The following FBF1 variants were observed in gnomAD, a reference collection of about 807,000 sequenced individuals.
FBF1 encodes the protein fas-binding factor 1.
FBF1 carries 119 observed loss-of-function variants against 147.2 expected under a neutral mutation model. The ratio of observed to expected loss-of-function variants is 0.81; its 90% CI spans 0.70 to 0.94. FBF1 has a LOEUF of 0.94. Among genes scored for constraint, FBF1 ranks in the 40% least tolerant of loss-of-function variants. The probability of loss-of-function intolerance (pLI) is 0.00; values close to 1 mark genes in which losing one functional copy is unlikely to be tolerated. For synonymous variants in FBF1, 601 were observed against 609.0 expected, an observed-to-expected ratio of 0.99 and a Z score of 0.19; for missense variants, 1,449 against 1,500.8, an observed-to-expected ratio of 0.97 and a Z score of 0.57.
Position 75,926,037 on chromosome 17 carries a change from C to A in FBF1, c.861G>T (p.Arg287Ser). 5 of 1,610,238 alleles carry A rather than the reference C, an allele frequency of 3.1e-6. No homozygotes were observed. Among genetic ancestry groups the A allele is most frequent in the Non-Finnish European group, 4.2e-6 (5 of 1,178,906 alleles). ...REFKLDKKYQ[R>S]PQDSEDMWGD... Reference sequence around the variant, plus strand: ...CCCCGCAAGCCTCCTTACCCTGTGGCCTCTGGTACTTCTTGTCTAGCTTGA... The same window carrying A: ...CCCCGCAAGCCTCCTTACCCTGTGGACTCTGGTACTTCTTGTCTAGCTTGA... The change falls in exon 12 of 30, where the codon AGG becomes AGT. Residue 287 changes from arginine to serine, a missense_variant. Transcript: ENST00000636174.
At chr17:75,926,959 A>G in intron 9 of FBF1, 82 bp from the exon 10 acceptor site, 1 of 1,534,818 alleles carries the variant, frequency 6.5e-7, no homozygotes, top group Non-Finnish European at 8.8e-7. Flanking sequence ...GCAGCGCTCG[A>G]GTCAAGGCTT....
At chr17:75,935,548 T>C (rs766228821) in intron 4 of FBF1, 84 bp downstream of exon 4, 163 of 1,397,990 alleles carry the variant, frequency 1.2e-4, no homozygotes, top group Non-Finnish European at 1.4e-4. Flanking sequence ...GTCCAGAAGC[T>C]TGGGACCAGC....
At position 75,925,852 on chromosome 17, in the gene FBF1, G is replaced by C. The variant is rs1171990701; in HGVS notation, c.868+178C>G. Among the ~76,000 whole-genome samples the C allele has an allele frequency of 6.6e-6, 1 of 152,208 alleles. No individual in the cohort carries two copies. Among genetic ancestry groups the C allele is most frequent in the South Asian group, 2.1e-4 (1 of 4,832 alleles). The stretch of plus-strand genomic sequence containing the variant: ...ATCTCAATCATAGACAACTGAGCAC[G>C]AACAGTGGTCACGGTAAGTATTATT... On this transcript the variant is annotated intron_variant, in intron 12 of 29. Transcript: ENST00000636174. The surrounding 1 kb of genome is among the most constrained non-coding windows in gnomAD (Gnocchi z 5.0).
intron 2 of FBF1, 60 bp downstream of exon 2, chr17:75,938,087 G>A: frequency 6.2e-7 from 1 of 1,606,064 alleles, no homozygotes; most frequent in Non-Finnish European, 8.5e-7. Context: ...CAAGATCTTT[G>A]GGGATGCAGG....
At chr17:75,916,203 C>T (rs2065488324) in intron 23 of FBF1, among the ~76,000 whole-genome samples, 1 of 151,622 alleles carries the variant, frequency 6.6e-6, no homozygotes, top group South Asian at 2.1e-4. Context: ...CACCTGTGAT[C>T]CCAGCTACTT....
chr17:75,914,481 T>G, intron 25 of FBF1, 183 bp from the exon 26 acceptor site: 1 of 976,780 alleles, frequency 1.0e-6, no homozygotes, highest in Admixed American at 3.1e-5. Context: ...GCCACGTGAC[T>G]GTGGCAGGCT....
Position 75,918,034 on chromosome 17 carries a change from G to C in FBF1, c.2283C>G (p.Phe761Leu), listed in dbSNP as rs367968756. ...AGGACAACTCGTGCAGGCTGCTGGA[G>C]AACTTCTCCATCTGGTGGATGATGC... The part of the protein sequence containing the change: ...LNSIIHQMEK[F>L]SSSLHELSSR... Residue 761 changes from phenylalanine (F) to leucine (L), a missense_variant, in exon 22 of 30, where the codon TTC becomes TTG. Physicochemically the swap from Phe to Leu is conservative, Grantham distance 22. Coordinates refer to ENST00000636174, the MANE Select transcript of FBF1 (RefSeq NM_001319193.2). This position sits in a 1 kb window ranked among gnomAD's most constrained non-coding sequence, Gnocchi z 5.8. The C allele has an allele frequency of 3.0e-5, 48 of 1,611,980 alleles. No individual in the cohort carries two copies. Among genetic ancestry groups the C allele is most frequent in the Non-Finnish European group, 4.0e-5 (47 of 1,178,784 alleles).
rs745949501 is a variant in FBF1, at chr17:75,910,839, C to A, written c.3364-33G>T. On this transcript the variant is annotated intron_variant, in intron 29 of 29. Coordinates refer to ENST00000636174, the MANE Select transcript of FBF1 (RefSeq NM_001319193.2). The surrounding 1 kb of genome is among the most constrained non-coding windows in gnomAD (Gnocchi z 4.1). ...GCAGGTTTGGATGGGCGGTCACCTTCCCTGAGCTGAGAGGGAGGTGGAGCC... is the reference window on the plus strand; with the variant it reads ...GCAGGTTTGGATGGGCGGTCACCTTACCTGAGCTGAGAGGGAGGTGGAGCC... The A allele has an allele frequency of 8.9e-6, 14 of 1,570,530 alleles. No homozygotes were observed. In the South Asian group the frequency reaches 1.4e-4, roughly 16 times the overall value.
chr17:75,931,271 A>T lies in FBF1; in HGVS notation c.186T>A (p.Asp62Glu). The T allele has an allele frequency of 1.9e-6, 3 of 1,584,320 alleles. No individual in the cohort carries two copies. The highest frequency in any genetic ancestry group is 1.2e-5 in the South Asian group (1 of 86,330). The change falls in exon 6 of 30, where the codon GAT (aspartate) becomes GAA (glutamate). Residue 62 changes from aspartate (D) to glutamate (E), a missense_variant. Asp to Glu is a conservative substitution (Grantham distance 45). Coordinates refer to ENST00000636174, the MANE Select transcript of FBF1 (RefSeq NM_001319193.2). Reference sequence around the variant, plus strand: ...CCAGGCCTGCCATGGTGCTGAAGACATCATCACCCAGGAGGGACCTGCAAA... The same window carrying T: ...CCAGGCCTGCCATGGTGCTGAAGACTTCATCACCCAGGAGGGACCTGCAAA... ...KARTKSLLGD[D>E]VFSTMAGLEE...
Position 75,918,260 on chromosome 17 carries a change from G to A in FBF1, c.2148C>T (p.Ile716=). ...ERLRELQRAS[I]LDMRRDHEEQ... ...CCTCGTGGTCTCTGCGCATGTCTAGGATGGACGCCCTGAGGGGAGGCGGGA... is the reference window on the plus strand; with the variant it reads ...CCTCGTGGTCTCTGCGCATGTCTAGAATGGACGCCCTGAGGGGAGGCGGGA... Residue 716 remains isoleucine (I), a synonymous_variant, in exon 21 of 30, where the codon ATC becomes ATT. Coordinates refer to ENST00000636174, the MANE Select transcript of FBF1 (RefSeq NM_001319193.2). The surrounding 1 kb of genome is among the most constrained non-coding windows in gnomAD (Gnocchi z 5.8). The A allele has an allele frequency of 6.2e-7, 1 of 1,612,780 alleles. No individual in the cohort carries two copies. The highest frequency in any genetic ancestry group is 8.5e-7 in the Non-Finnish European group (1 of 1,179,386).
At position 75,938,380 on chromosome 17, in the gene FBF1, G is replaced by A. The variant is rs1174408404; in HGVS notation, c.-83-148C>T. On this transcript the variant is annotated intron_variant, in intron 1 of 29. Transcript: ENST00000636174. ...ATTCAAGACCAGCCTGGCCAACATG[G>A]TGAAACCCTGTCTCTACTAAAAACA... is the stretch of plus-strand genomic sequence containing the variant. 7 of 619,310 alleles carry A rather than the reference G, an allele frequency of 1.1e-5. No homozygotes were observed. In the African/African-American group the frequency reaches 1.3e-4, roughly 11 times the overall value. 38.4% of individuals were successfully genotyped at this position (619,310 alleles called of 1,614,324 possible).
At chr17:75,933,323 C>T (rs1172232172) in intron 4 of FBF1, among the ~76,000 whole-genome samples, 1 of 152,064 alleles carries the variant, frequency 6.6e-6, no homozygotes, top group African/African-American at 2.4e-5. Flanking sequence ...CCCAACCCAA[C>T]CCAACCCAAC....
rs1301877778 is a variant in FBF1 at position 75,926,803 on chromosome 17, T to C, written c.550A>G (p.Ser184Gly). 1.2e-6 allele frequency: 2 copies of C among 1,613,826 alleles called. No homozygotes were observed. The highest frequency in any genetic ancestry group is 2.7e-5 in the African/African-American group (2 of 74,956). Residue 184 changes from serine to glycine, a missense_variant, in exon 10 of 30, where the codon AGT becomes GGT. By Grantham distance (56) the Ser-to-Gly change is moderately conservative (BLOSUM62 0). Transcript: ENST00000636174. ...GITKQPPVTQ[S>G]KTASDKSPST... ...GGGCTCTTGTCAGAAGCTGTTTTAC[T>C]CTGTGTCACAGGCGGCTGCTTGGTG...
chr17:75,919,600 G>C lies in FBF1; in HGVS notation c.2138+68C>G. The C allele has an allele frequency of 1.3e-6, 2 of 1,515,688 alleles. No homozygotes were observed. The highest frequency in any genetic ancestry group is 1.8e-6 in the Non-Finnish European group (2 of 1,125,604). The allele number at this position is 1,515,688 out of a possible 1,614,324, so 93.9% of individuals were successfully genotyped here. The stretch of plus-strand genomic sequence containing the variant: ...CTGCTGAGCCACAGCGAAGGGTCTC[G>C]TGGGGATGGCTCTCTTCCGGCTACT... On this transcript the variant is annotated intron_variant, in intron 20 of 29. Coordinates refer to ENST00000636174, the MANE Select transcript of FBF1 (RefSeq NM_001319193.2). The surrounding 1 kb of genome is among the most constrained non-coding windows in gnomAD (Gnocchi z 5.0).
chr17:75,925,483 AG>A lies in FBF1; in HGVS notation c.869-38del. The A allele has an allele frequency of 1.9e-6, 3 of 1,559,488 alleles. No homozygotes were observed. The highest frequency in any genetic ancestry group is 2.6e-6 in the Non-Finnish European group (3 of 1,144,422). Reference sequence around the variant, plus strand: ...GGAGCCTGTGACCGTGATCTGGAGTAGGGGAACCAAGCTCATTTGCGGCTGC... The same window carrying A: ...GGAGCCTGTGACCGTGATCTGGAGTAGGGAACCAAGCTCATTTGCGGCTGC... On this transcript the variant is annotated intron_variant, in intron 12 of 29. Transcript: ENST00000636174. The surrounding 1 kb of genome is among the most constrained non-coding windows in gnomAD (Gnocchi z 5.0).
intron 29 of FBF1, among the ~76,000 whole-genome samples, chr17:75,911,358 TGTTTA>T (rs1353930399): frequency 6.6e-6 from 1 of 152,214 alleles, no homozygotes; most frequent in Non-Finnish European, 1.5e-5. Flanking sequence ...AGTTTTGTTT[TGTTTA>T]GTTTGAGACA....
At chr17:75,935,132 A>G (rs1011347548) in intron 4 of FBF1, among the ~76,000 whole-genome samples, 1 of 152,104 alleles carries the variant, frequency 6.6e-6, no homozygotes, top group African/African-American at 2.4e-5. Context: ...TACACTTTAC[A>G]GGAGTGGACT....
In FBF1 at chr17:75,928,293, GTGAGAAAACAAAGGAAAA is replaced by G; in HGVS notation, c.280-118_280-101del. ...CTGTTGGCACCCCAGGTGTAGAATTGTGAGAAAACAAAGGAAAATGAGAAAACTGTTGAGAAAAACAGT... is the reference window on the plus strand; with the variant it reads ...CTGTTGGCACCCCAGGTGTAGAATTGTGAGAAAACTGTTGAGAAAAACAGT... On this transcript the variant is annotated intron_variant, in intron 7 of 29. Transcript: ENST00000636174. This position sits in a 1 kb window ranked among gnomAD's most constrained non-coding sequence, Gnocchi z 4.2. 1.1e-6 allele frequency: 1 copy of G among 876,264 alleles called. No individual in the cohort carries two copies. The highest frequency in any genetic ancestry group is 1.8e-6 in the Non-Finnish European group (1 of 545,414). The allele number at this position is 876,264 out of a possible 1,614,324, so 54.3% of individuals were successfully genotyped here.
chr17:75,935,950 T>G (rs1598162693), intron 3 of FBF1, among the ~76,000 whole-genome samples: 1 of 151,924 alleles, frequency 6.6e-6, no homozygotes, highest in East Asian at 1.9e-4. Context: ...CCGAGGCGGG[T>G]GGATCACCTG....
Sources: gnomAD v4.1 joint callset for allele counts (sites outside exome capture counted in the v4.1 genomes callset) on GRCh38, gnomAD v4.1.1 for gene constraint, Gnocchi (gnomAD v3.1) non-coding constraint, MANE v1.5 for transcripts, NCBI Gene and HGNC (gene_info 2026-07-23, HGNC 2026-07-21) for gene names.